GSS: variants seen among roughly 807,000 people sequenced by gnomAD.
GSS encodes the protein glutathione synthetase.
In GSS, 34 loss-of-function variants were observed where a neutral mutation model predicts 60.4. The observed-to-expected ratio is 0.56, with a 90% confidence interval of 0.43 to 0.75. The LOEUF (loss-of-function observed/expected upper bound fraction) is 0.75, where lower values mean the gene tolerates loss of function less well. Ranked by LOEUF, GSS falls within the 30% of genes least tolerant of loss-of-function variation. The pLI is 0.00. For missense variants in GSS, 499 were observed against 595.1 expected, an observed-to-expected ratio of 0.84 and a Z score of 1.68; for synonymous variants, 224 against 239.0, an observed-to-expected ratio of 0.94 and a Z score of 0.58.
At chr20:34,955,871 T>A (rs2081626303), upstream of GSS, 1 of 152,246 alleles carries the variant, frequency 6.6e-6, no homozygotes. Context: ...GACCCATACC[T>A]TTGGCGCTGA....
chr20:34,946,084 G>C lies in GSS; in HGVS notation c.144C>G (p.Ala48=), dbSNP rs897705346. 1.9e-6 allele frequency: 3 copies of C among 1,611,826 alleles called. No individual in the cohort carries two copies. The highest frequency in any genetic ancestry group is 2.5e-6 in the Non-Finnish European group (3 of 1,178,182). The part of the protein sequence containing the change: ...EPTSSEVVSY[A]PFTLFPSLVP... ...CCAGTGAGGGGAAGAGCGTGAATGG[G>C]GCATAGCTCACCACCTGTGATCAAG... Residue 48 remains alanine, a synonymous_variant, in exon 3 of 13, where the codon GCC becomes GCG. Transcript: ENST00000651619.
chr20:34,931,246 G>T, intron 11 of GSS, 90 bp downstream of exon 11: 1 of 1,021,616 alleles, frequency 9.8e-7, no homozygotes, highest in Non-Finnish European at 1.6e-6. Context: ...CCCATGCCCG[G>T]GACTGTGCCC....
At position 34,932,255 on chromosome 20, in the gene GSS, G is replaced by C; in HGVS notation, c.835-122C>G. On this transcript the variant is annotated intron_variant, in intron 9 of 12. Coordinates refer to ENST00000651619, the MANE Select transcript of GSS (RefSeq NM_000178.4). ...TATCTTCACCCTCATTATCACCCAG[G>C]ATCATTCTAACATCCTTGTGAGCCA... is the stretch of plus-strand genomic sequence containing the variant. The C allele has an allele frequency of 4.9e-6, 4 of 808,548 alleles. No homozygotes were observed. The South Asian group carries it at 5.7e-5, about 11-fold the overall frequency. 50.1% of individuals were successfully genotyped at this position (808,548 alleles called of 1,614,324 possible).
In GSS at chr20:34,941,761, C is replaced by T. The variant is rs11556224; in HGVS notation, c.560G>A (p.Gly187Glu). 6.2e-7 allele frequency: 1 copy of T among 1,612,058 alleles called. No homozygotes were observed. The highest frequency in any genetic ancestry group is 2.2e-5 in the East Asian group (1 of 44,876). Residue 187 changes from glycine to glutamate, a missense_variant, in exon 6 of 13, where the codon GGA (glycine) becomes GAA (glutamate). Transcript: ENST00000651619. ...GKILSNNPSK[G>E]LALGIAKAWE... ...GGCTTTGGCAATTCCCAGGGCCAGTCCCTTGCTGGGATTATTAGAGAGGAT... is the reference window on the plus strand; with the variant it reads ...GGCTTTGGCAATTCCCAGGGCCAGTTCCTTGCTGGGATTATTAGAGAGGAT...
Position 34,951,822 on chromosome 20 carries a change from C to G in GSS, c.31G>C (p.Asp11His), listed in dbSNP as rs898922248. ...GCCAGCTCCTCTAGCTGCTGTTTAT[C>G]CTGCAAGAGGCTCCCCCAGTTGGTG... is the stretch of plus-strand genomic sequence containing the variant. MATNWGSLLQ[D>H]KQQLEELARQ... The change falls in exon 2 of 13, where the codon GAT (aspartate) becomes CAT (histidine). Residue 11 changes from aspartate to histidine, a missense_variant. Asp to His is a moderately conservative substitution (Grantham distance 81). Transcript: ENST00000651619. 3.1e-6 allele frequency: 5 copies of G among 1,614,190 alleles called. No individual in the cohort carries two copies. The South Asian group carries it at 3.3e-5, about 11-fold the overall frequency.
At chr20:34,937,604 G>A (rs7265992) in intron 6 of GSS, among the ~76,000 whole-genome samples, 23,414 of 152,078 alleles carry the variant, frequency 0.15, 1,979 homozygotes, top group South Asian at 0.3. Flanking sequence ...TTCCTATAAT[G>A]TACACAGGGC....
intron 1 of GSS, among the ~76,000 whole-genome samples, chr20:34,953,965 T>G (rs1356521022): frequency 6.6e-6 from 1 of 152,166 alleles, no homozygotes; most frequent in East Asian, 1.9e-4. Flanking sequence ...AGTGTGAAAT[T>G]TATCAGCAGT....
chr20:34,947,312 A>G (rs1600389515), intron 2 of GSS, among the ~76,000 whole-genome samples: 1 of 152,016 alleles, frequency 6.6e-6, no homozygotes, highest in South Asian at 2.1e-4. Flanking sequence ...GGTCTCAAAC[A>G]CCTGGCCTCA....
chr20:34,940,307 T>C (rs1392823530), intron 6 of GSS, among the ~76,000 whole-genome samples: 1 of 152,238 alleles, frequency 6.6e-6, no homozygotes, highest in Admixed American at 6.5e-5. Context: ...AGCATTTGTC[T>C]GTCAGCAGTT....
chr20:34,945,098 G>A (rs2081510433), intron 3 of GSS, among the ~76,000 whole-genome samples: 1 of 151,350 alleles, frequency 6.6e-6, no homozygotes. Flanking sequence ...TTGGCTTACT[G>A]CAGCCTCTGC....
At chr20:34,948,739 G>A (rs1345617549) in intron 2 of GSS, among the ~76,000 whole-genome samples, 17 of 151,256 alleles carry the variant, frequency 1.1e-4, no homozygotes, top group African/African-American at 3.4e-4. Context: ...AGCTGAGATC[G>A]TGCCACTGCA....
chr20:34,947,297 A>G (rs926615844), intron 2 of GSS, among the ~76,000 whole-genome samples: 2 of 152,310 alleles, frequency 1.3e-5, no homozygotes, highest in Admixed American at 6.5e-5. Flanking sequence ...TGTGTTGTCC[A>G]GGCTGGTCTC....
intron 2 of GSS, among the ~76,000 whole-genome samples, chr20:34,947,576 T>A (rs1033716544): frequency 1.3e-5 from 2 of 152,294 alleles, no homozygotes; most frequent in Admixed American, 1.3e-4. Flanking sequence ...ATCCTTCCAG[T>A]CATCTTTGTA....
At chr20:34,940,414 G>T (rs1353413360) in intron 6 of GSS, among the ~76,000 whole-genome samples, 1 of 152,232 alleles carries the variant, frequency 6.6e-6, no homozygotes, top group African/African-American at 2.4e-5. Context: ...AATGCTTACA[G>T]TCTGAGGTTT....
chr20:34,934,845 G>A (rs2081428975), intron 9 of GSS, among the ~76,000 whole-genome samples: 4 of 152,178 alleles, frequency 2.6e-5, no homozygotes, highest in Admixed American at 2.0e-4. Flanking sequence ...AGGCAGTCAA[G>A]CTCATGACCT....
chr20:34,943,001 A>T lies in GSS; in HGVS notation c.281T>A (p.Ile94Asn). The T allele has an allele frequency of 6.2e-7, 1 of 1,609,132 alleles. No individual in the cohort carries two copies. The highest frequency in any genetic ancestry group is 1.1e-5 in the South Asian group (1 of 90,384). The part of the protein sequence containing the change: ...AFLEQTLSST[I>N]KQDDFTARLF... ...ACGAGCGGTAAAGTCATCCTGTTTGATGGTGCTGGAGGAAGAAACAGAGAA... is the reference window on the plus strand; with the variant it reads ...ACGAGCGGTAAAGTCATCCTGTTTGTTGGTGCTGGAGGAAGAAACAGAGAA... The change falls in exon 4 of 13, where the codon ATC (isoleucine) becomes AAC (asparagine). Residue 94 changes from isoleucine (I) to asparagine (N), a missense_variant. Ile to Asn is a moderately radical substitution (Grantham distance 149, BLOSUM62 -3). Coordinates refer to ENST00000651619, the MANE Select transcript of GSS (RefSeq NM_000178.4).
rs757946707 is a variant in GSS, at chr20:34,936,751, G to A, written c.767+12C>T. 6.3e-6 allele frequency: 10 copies of A among 1,588,960 alleles called. No homozygotes were observed. In the Admixed American group the frequency reaches 1.7e-4, roughly 26 times the overall value. Reference sequence around the variant, plus strand: ...TAAACCAGCCTTCCACTGGATTCTTGGGAATGCTTACACAAACAGCCTTCG... The same window carrying A: ...TAAACCAGCCTTCCACTGGATTCTTAGGAATGCTTACACAAACAGCCTTCG... On this transcript the variant is annotated intron_variant, in intron 8 of 12. Coordinates refer to ENST00000651619, the MANE Select transcript of GSS (RefSeq NM_000178.4).
At chr20:34,952,833 A>C (rs2081580328) in intron 1 of GSS, 1 of 152,224 alleles carries the variant, frequency 6.6e-6, no homozygotes. Flanking sequence ...CAGATCTCAA[A>C]TAAATTACAT....
chr20:34,934,372 G>A lies in GSS; in HGVS notation c.834+1204C>T, dbSNP rs1388683490. On this transcript the variant is annotated intron_variant, in intron 9 of 12. Coordinates refer to ENST00000651619, the MANE Select transcript of GSS (RefSeq NM_000178.4). ...ACTTACTGCAACCTCTGCCTCCCGG[G>A]CTCAAGCAATTCTCCTGCCTCAGCG... 4.0e-5 allele frequency among the ~76,000 whole-genome samples: 6 copies of A among 151,470 alleles called. No individual in the cohort carries two copies. In the South Asian group the frequency reaches 1.3e-3, roughly 32 times the overall value.
Sources: gnomAD v4.1 joint callset for allele counts (sites outside exome capture counted in the v4.1 genomes callset) on GRCh38, gnomAD v4.1.1 for gene constraint, MANE v1.5 for transcripts, NCBI Gene and HGNC (gene_info 2026-07-23, HGNC 2026-07-21) for gene names.